DNAH7: variants seen among roughly 807,000 people sequenced by gnomAD.
DNAH7 encodes the protein dynein axonemal heavy chain 7.
A neutral mutation model predicts 444.6 loss-of-function variants in DNAH7; 397 were observed. The ratio of observed to expected loss-of-function variants is 0.89; its 90% CI spans 0.82 to 0.97. The LOEUF (loss-of-function observed/expected upper bound fraction) is 0.97, where lower values mean the gene tolerates loss of function less well. Among genes scored for constraint, DNAH7 ranks in the 50% least tolerant of loss-of-function variants. The pLI is 0.00. For synonymous variants in DNAH7, 1,636 were observed against 1,624.4 expected (o/e 1.01, Z -0.17); for missense variants, 4,902 against 4,800.8 (o/e 1.02, Z -0.62).
chr2:195,978,077 T>C (rs1413167733), intron 15 of DNAH7, among the ~76,000 whole-genome samples: 1 of 152,084 alleles, frequency 6.6e-6, no homozygotes, highest in Non-Finnish European at 1.5e-5. Flanking sequence ...TCAATTATGG[T>C]AAATAAACAG....
intron 47 of DNAH7, among the ~76,000 whole-genome samples, chr2:195,838,214 G>A (rs1009407174): frequency 1.3e-5 from 2 of 152,072 alleles, no homozygotes; most frequent in Non-Finnish European, 2.9e-5. Flanking sequence ...AAACTTAACT[G>A]AGTTATTTGA....
At chr2:195,774,295 A>C (rs1289782478) in intron 60 of DNAH7, among the ~76,000 whole-genome samples, 2 of 152,248 alleles carry the variant, frequency 1.3e-5, no homozygotes, top group African/African-American at 4.8e-5. Flanking sequence ...TCATGTTTGC[A>C]CATATACTTT....
intron 39 of DNAH7, among the ~76,000 whole-genome samples, chr2:195,872,942 G>C (rs1440597611): frequency 6.7e-6 from 1 of 150,244 alleles, no homozygotes; most frequent in African/African-American, 2.5e-5. Flanking sequence ...AGAAAAAAAG[G>C]AAAGTAAAAC....
At chr2:195,977,997 G>C (rs571301520) in intron 15 of DNAH7, among the ~76,000 whole-genome samples, 1 of 152,136 alleles carries the variant, frequency 6.6e-6, no homozygotes, top group Non-Finnish European at 1.5e-5. Context: ...GAATATTAAA[G>C]GGAGTTCTTC....
intron 24 of DNAH7, among the ~76,000 whole-genome samples, chr2:195,913,858 G>C (rs1189720729): frequency 6.6e-6 from 1 of 152,168 alleles, no homozygotes; most frequent in African/African-American, 2.4e-5. Flanking sequence ...TGGGATTACA[G>C]GTGCCCACCA....
chr2:196,051,161 A>T (rs764763641), intron 3 of DNAH7, 26 bp downstream of exon 3: 1 of 1,595,606 alleles, frequency 6.3e-7, no homozygotes, highest in Non-Finnish European at 8.6e-7. Flanking sequence ...ACAAAAATTC[A>T]ATGAGAATAT....
At chr2:195,893,602 TA>T (rs1702140847) in intron 30 of DNAH7, 1 of 151,976 alleles carries the variant, frequency 6.6e-6, no homozygotes, top group Non-Finnish European at 1.5e-5. Flanking sequence ...AGGAAGGCGA[TA>T]ACAATGTATC....
intron 61 of DNAH7, among the ~76,000 whole-genome samples, chr2:195,763,801 C>T (rs891088565): frequency 3.3e-5 from 5 of 151,884 alleles, no homozygotes; most frequent in Non-Finnish European, 7.4e-5. Flanking sequence ...TTCTACCAAA[C>T]ATTTAAAGAA....
chr2:195,744,783 C>CAGCTG (rs1693283659), intron 63 of DNAH7, among the ~76,000 whole-genome samples: 2 of 152,234 alleles, frequency 1.3e-5, no homozygotes, highest in South Asian at 4.1e-4. Context: ...AACAGACCTG[C>CAGCTG]AGCTGAGGGT....
intron 44 of DNAH7, among the ~76,000 whole-genome samples, chr2:195,856,648 G>A (rs376475351): frequency 1.4e-4 from 21 of 152,118 alleles, no homozygotes; most frequent in Admixed American, 7.2e-4. Flanking sequence ...CCTGTTTTGC[G>A]TATGATATAA....
chr2:195,782,821 TTC>T (rs1320322701), intron 58 of DNAH7, among the ~76,000 whole-genome samples: 1 of 152,128 alleles, frequency 6.6e-6, no homozygotes, highest in African/African-American at 2.4e-5. Context: ...ATGTCTTCTG[TTC>T]TCTCTCCTAC....
At chr2:196,019,020 TTTG>T (rs1243023529) in intron 9 of DNAH7, 147 bp downstream of exon 9, 28 of 989,212 alleles carry the variant, frequency 2.8e-5, no homozygotes, top group South Asian at 8.9e-5. Flanking sequence ...TATATACTTC[TTTG>T]TTGTTTATTT....
chr2:195,883,873 G>A (rs926426115), intron 35 of DNAH7, among the ~76,000 whole-genome samples: 1 of 152,068 alleles, frequency 6.6e-6, no homozygotes, highest in African/African-American at 2.4e-5. Flanking sequence ...TACCAAAGTA[G>A]TACTTATAAA....
intron 27 of DNAH7, chr2:195,903,427 C>G (rs1686826680): frequency 6.6e-6 from 1 of 151,978 alleles, no homozygotes; most frequent in East Asian, 1.9e-4. Context: ...CTCTGAAAAG[C>G]TATGTATCAC....
chr2:195,864,281 G>A lies in DNAH7; in HGVS notation c.7374C>T (p.Phe2458=). 2 of 1,614,172 alleles carry A rather than the reference G, an allele frequency of 1.2e-6. No individual in the cohort carries two copies. The highest frequency in any genetic ancestry group is 1.7e-6 in the Non-Finnish European group (2 of 1,180,020). ...KQTDGSPIAL[F]NMFIDHCRSQ... Reference sequence around the variant, plus strand: ...TGCGGCAATGATCAATAAACATGTTGAAAAGGGCTATGGGGCTGCCATCTG... The same window carrying A: ...TGCGGCAATGATCAATAAACATGTTAAAAAGGGCTATGGGGCTGCCATCTG... The change falls in exon 41 of 65, where the codon TTC becomes TTT. Residue 2458 remains phenylalanine (F), a synonymous_variant. Transcript: ENST00000312428.
At chr2:195,792,106 G>T (rs1416603360) in intron 57 of DNAH7, among the ~76,000 whole-genome samples, 2 of 141,610 alleles carry the variant, frequency 1.4e-5, no homozygotes, top group African/African-American at 5.3e-5. Context: ...GGTGGAGGTT[G>T]CAGTGAGCTG....
At chr2:195,834,394 C>T (rs1353305306) in intron 47 of DNAH7, 34 bp from the exon 48 acceptor site, 1 of 1,565,978 alleles carries the variant, frequency 6.4e-7, no homozygotes, top group Non-Finnish European at 8.7e-7. Context: ...GCTGGTCAAG[C>T]CATGATTTGT....
rs775695739 is a variant in DNAH7, at chr2:195,864,344, C to T, written c.7311G>A (p.Met2437Ile). ...TATCCCGCTGGCGATCTAACTGACG[C>T]ATCTTATCACATATCTCTTGCTTCT... ...LDEKQEICDK[M>I]RQLDRQRDKT... is the part of the protein sequence containing the mutation. Residue 2437 changes from methionine to isoleucine, a missense_variant, in exon 41 of 65, where the codon ATG (methionine) becomes ATA (isoleucine). Met to Ile is a conservative substitution (Grantham distance 10). Transcript: ENST00000312428. The T allele has an allele frequency of 6.2e-7, 1 of 1,614,158 alleles. No individual in the cohort carries two copies. Among genetic ancestry groups the T allele is most frequent in the Non-Finnish European group, 8.5e-7 (1 of 1,180,026 alleles).
intron 39 of DNAH7, 87 bp from the exon 40 acceptor site, chr2:195,872,556 A>C: frequency 1.3e-6 from 1 of 781,488 alleles, no homozygotes. Flanking sequence ...GGACCAACAT[A>C]AAATTTTAAT....
Sources: allele counts gnomAD v4.1 joint callset (sites outside exome capture counted in the v4.1 genomes callset), GRCh38; gene constraint gnomAD v4.1.1; transcripts MANE v1.5; gene names NCBI Gene and HGNC (gene_info 2026-07-23, HGNC 2026-07-21).